PLD5: variants seen among roughly 807,000 people sequenced by gnomAD.
The protein encoded by PLD5 is inactive phospholipase D5.
Under a neutral mutation model 61.1 loss-of-function variants are expected in PLD5, and 36 were observed. The observed-to-expected ratio is 0.59, with a 90% CI of 0.45 to 0.78. The LOEUF is 0.78. Ranked by LOEUF, PLD5 falls within the 30% of genes least tolerant of loss-of-function variation. PLD5 has a pLI of 0.00. For missense variants in PLD5, 515 were observed against 644.4 expected (o/e 0.80, Z 2.17); for synonymous variants, 243 against 242.8 (o/e 1.00, Z -0.01).
intron 2 of PLD5, among the ~76,000 whole-genome samples, chr1:242,294,114 C>T (rs1286734630): frequency 2.6e-5 from 4 of 152,158 alleles, no homozygotes; most frequent in Non-Finnish European, 5.9e-5. Flanking sequence ...CACAAGAGAA[C>T]TCTACCTAGA....
chr1:242,255,557 C>A (rs568187823), intron 4 of PLD5, among the ~76,000 whole-genome samples: 85 of 152,282 alleles, frequency 5.6e-4, no homozygotes, highest in Non-Finnish European at 9.1e-4. Context: ...TGTAAATAAC[C>A]TGCACGTTGT....
At position 242,503,731 on chromosome 1, in the gene PLD5, T is replaced by G. The variant is rs1668631276; in HGVS notation, c.189+20357A>C. ...AAAGAGGCCTTAAGAAGCATTTCACTGCTCTTAAAAAGGGACATAAGGTCA... is the reference window on the plus strand; with the variant it reads ...AAAGAGGCCTTAAGAAGCATTTCACGGCTCTTAAAAAGGGACATAAGGTCA... On this transcript the variant is annotated intron_variant, in intron 1 of 9. Coordinates refer to ENST00000536534, the MANE Select transcript of PLD5 (RefSeq NM_001372062.1). Among the ~76,000 whole-genome samples, 6 of 152,256 alleles carry G rather than the reference T, an allele frequency of 3.9e-5. No homozygotes were observed. The South Asian group carries it at 1.2e-3, about 32-fold the overall frequency.
chr1:242,283,685 G>A (rs531338706), intron 3 of PLD5, among the ~76,000 whole-genome samples: 1 of 152,316 alleles, frequency 6.6e-6, no homozygotes, highest in African/African-American at 2.4e-5. Context: ...TAATCAGGGT[G>A]TGAACTATTT....
At chr1:242,391,547 C>T (rs1177169051) in intron 1 of PLD5, among the ~76,000 whole-genome samples, 1 of 112,284 alleles carries the variant, frequency 8.9e-6, no homozygotes, top group Non-Finnish European at 1.8e-5. Context: ...TAGAAAGGTT[C>T]GCATTCTTTT....
intron 6 of PLD5, among the ~76,000 whole-genome samples, chr1:242,115,387 ATCTTTCCCCACCCCC>A (rs1029953283): frequency 6.6e-6 from 1 of 151,880 alleles, no homozygotes; most frequent in Non-Finnish European, 1.5e-5. Context: ...CCACTAACAA[ATCTTTCCCCACCCCC>A]TCTTTCCCCA....
At chr1:242,425,176 G>A (rs955465258) in intron 1 of PLD5, among the ~76,000 whole-genome samples, 16 of 152,120 alleles carry the variant, frequency 1.1e-4, no homozygotes, top group East Asian at 3.8e-4. Context: ...ATGGAGATAC[G>A]TTCTGTGAAA....
intron 1 of PLD5, among the ~76,000 whole-genome samples, chr1:242,377,736 A>T (rs185714214): frequency 1.9e-3 from 288 of 152,368 alleles, no homozygotes; most frequent in Non-Finnish European, 3.4e-3. Flanking sequence ...ACATTTCTCC[A>T]AAGAAAATAC....
rs1257727776 is a variant in PLD5 at position 242,122,294 on chromosome 1, C to T, written c.933+2174G>A. 3.9e-5 allele frequency among the ~76,000 whole-genome samples: 6 copies of T among 152,222 alleles called. No individual in the cohort carries two copies. In the East Asian group the frequency reaches 1.2e-3, roughly 29 times the overall value. On this transcript the variant is annotated intron_variant, in intron 6 of 9. Coordinates refer to ENST00000536534, the MANE Select transcript of PLD5 (RefSeq NM_001372062.1). ...CATTAGCTTTAAAATCAACAAAAAA[C>T]TGACTCTTTCCCTGTTTAAGGGTTA...
intron 5 of PLD5, among the ~76,000 whole-genome samples, chr1:242,181,076 T>A (rs1186778579): frequency 6.6e-6 from 1 of 152,144 alleles, no homozygotes; most frequent in Non-Finnish European, 1.5e-5. Flanking sequence ...GGTCTAAGGA[T>A]CATGCTGAGA....
chr1:242,484,023 C>T (rs2102966649), intron 1 of PLD5, among the ~76,000 whole-genome samples: 1 of 152,248 alleles, frequency 6.6e-6, no homozygotes, highest in Non-Finnish European at 1.5e-5. Context: ...AGAACAAAGA[C>T]ACAACATACC....
chr1:242,416,689 A>G (rs1471776039), intron 1 of PLD5, among the ~76,000 whole-genome samples: 1 of 152,238 alleles, frequency 6.6e-6, no homozygotes, highest in Non-Finnish European at 1.5e-5. Flanking sequence ...ATTTTCAGCT[A>G]AATTAAACTC....
At chr1:242,244,430 G>A (rs538129150) in intron 4 of PLD5, among the ~76,000 whole-genome samples, 7 of 152,300 alleles carry the variant, frequency 4.6e-5, no homozygotes, top group African/African-American at 9.6e-5. Flanking sequence ...ACGTAAGGCC[G>A]ATTAGATACT....
chr1:242,104,285 G>A (rs1047643602), intron 8 of PLD5, among the ~76,000 whole-genome samples: 1 of 147,504 alleles, frequency 6.8e-6, no homozygotes, highest in Admixed American at 6.8e-5. Context: ...CACCACACCT[G>A]GCTAGTTTTT....
intron 4 of PLD5, among the ~76,000 whole-genome samples, chr1:242,264,416 C>T (rs1024585998): frequency 6.6e-6 from 1 of 152,180 alleles, no homozygotes; most frequent in African/African-American, 2.4e-5. Context: ...TTTCAATATG[C>T]TTTATCACTT....
chr1:242,140,679 G>A (rs1664094303), intron 5 of PLD5, among the ~76,000 whole-genome samples: 1 of 152,152 alleles, frequency 6.6e-6, no homozygotes, highest in African/African-American at 2.4e-5. Flanking sequence ...TTTCTGGAAG[G>A]TGGTGCAAGG....
At position 242,168,846 on chromosome 1, in the gene PLD5, G is replaced by GTTTTTTGTT. The variant is rs755405843; in HGVS notation, c.736-44182_736-44181insAACAAAAAA. On this transcript the variant is annotated intron_variant, in intron 5 of 9. Transcript: ENST00000536534. The stretch of plus-strand genomic sequence containing the variant: ...TCCATGACAGTTTTTAATTAATGAA[G>GTTTTTTGTT]TTTTTTTTTTTTTTTTTTTTACCAC... 2.2e-3 allele frequency among the ~76,000 whole-genome samples: 247 copies of GTTTTTTGTT among 111,274 alleles called. 3 individuals are homozygous for GTTTTTTGTT. Among genetic ancestry groups the GTTTTTTGTT allele is most frequent in the African/African-American group, 8.9e-3 (239 of 26,790 alleles). The allele number at this position is 111,274 out of a possible 152,430, so 73.0% of individuals were successfully genotyped here.
chr1:242,348,876 A>G (rs2149220966), intron 1 of PLD5, among the ~76,000 whole-genome samples: 1 of 152,226 alleles, frequency 6.6e-6, no homozygotes, highest in Non-Finnish European at 1.5e-5. Flanking sequence ...AACACGGTGA[A>G]ACCCTGTCTC....
intron 4 of PLD5, among the ~76,000 whole-genome samples, chr1:242,259,472 T>C (rs1340795879): frequency 6.6e-6 from 1 of 152,196 alleles, no homozygotes; most frequent in Non-Finnish European, 1.5e-5. Context: ...AAATCACAAT[T>C]AGCTTTCAGA....
rs71650701 is a variant in PLD5, at chr1:242,362,293, A to G, written c.190-14051T>C. 3.4e-3 allele frequency among the ~76,000 whole-genome samples: 515 copies of G among 152,290 alleles called. 2 individuals carry two copies. Among genetic ancestry groups the G allele is most frequent in the Non-Finnish European group, 5.2e-3 (352 of 68,026 alleles). ...CATTAAGCTGTCCAAGGTGAACCAAACAGTAGGAGACAGTCTGGGTATTTA... is the reference window on the plus strand; with the variant it reads ...CATTAAGCTGTCCAAGGTGAACCAAGCAGTAGGAGACAGTCTGGGTATTTA... On this transcript the variant is annotated intron_variant, in intron 1 of 9. Transcript: ENST00000536534.
Sources: gnomAD v4.1 joint callset for allele counts (sites outside exome capture counted in the v4.1 genomes callset) on GRCh38, gnomAD v4.1.1 for gene constraint, MANE v1.5 for transcripts, NCBI Gene and HGNC (gene_info 2026-07-23, HGNC 2026-07-21) for gene names.